Variants in SWT1 observed in about 807,000 individuals in gnomAD.
SWT1 encodes the protein SWT1 RNA endoribonuclease homolog.
In SWT1, 33 loss-of-function variants were observed where a neutral mutation model predicts 107.3. The observed-to-expected ratio is 0.31, with a 90% confidence interval of 0.23 to 0.41. SWT1 has a LOEUF of 0.41. Ranked by LOEUF, SWT1 falls within the 10% of genes least tolerant of loss-of-function variation. The pLI is 1.00. For missense variants in SWT1, 898 were observed against 1,028.9 expected (o/e 0.87, Z 1.74); for synonymous variants, 345 against 348.3 (o/e 0.99, Z 0.11).
chr1:185,192,756 T>A (rs1571463179), intron 10 of SWT1, among the ~76,000 whole-genome samples: 1 of 151,662 alleles, frequency 6.6e-6, no homozygotes, highest in East Asian at 2.0e-4. Flanking sequence ...CAAGCGATTC[T>A]CCTGTCTCAG....
intron 16 of SWT1, among the ~76,000 whole-genome samples, chr1:185,249,887 T>C (rs1056664438): frequency 4.6e-5 from 7 of 152,220 alleles, no homozygotes; most frequent in Non-Finnish European, 8.8e-5. Flanking sequence ...CTCCTCAAGC[T>C]GTGTCCTTCC....
Position 185,221,753 on chromosome 1 carries a change from A to G in SWT1, c.2122-96A>G, listed in dbSNP as rs1659672553. ...AGAAAAAGAATTGCCACCACTTCTC[A>G]GAAAGCTAGAACATTTGTAAGCACA... is the stretch of plus-strand genomic sequence containing the variant. On this transcript the variant is annotated intron_variant, in intron 14 of 18. Coordinates refer to ENST00000367500, the MANE Select transcript of SWT1 (RefSeq NM_017673.7). 3.8e-6 allele frequency: 3 copies of G among 796,284 alleles called. No homozygotes were observed. The Admixed American group carries it at 8.6e-5, about 23-fold the overall frequency. The allele number at this position is 796,284 out of a possible 1,614,324, so 49.3% of individuals were successfully genotyped here. A position where few individuals can be genotyped will look rare whatever the true frequency, so the allele number is the denominator to read the frequency against.
chr1:185,222,262 G>C (rs967749376), intron 15 of SWT1, among the ~76,000 whole-genome samples: 2 of 151,858 alleles, frequency 1.3e-5, no homozygotes, highest in African/African-American at 4.8e-5. Context: ...GTTTATCCAC[G>C]TTGTCACAAG....
chr1:185,176,064 C>T (rs1388902128), intron 5 of SWT1, among the ~76,000 whole-genome samples: 2 of 151,960 alleles, frequency 1.3e-5, no homozygotes, highest in Non-Finnish European at 2.9e-5. Flanking sequence ...CCCAGGCAGG[C>T]AGATTGTCTG....
Position 185,231,648 on chromosome 1 carries a change from C to T in SWT1, c.2381C>T (p.Ala794Val). The part of the protein sequence containing the change: ...TTSNIASFEE[A>V]FICLQKLMAA... ...TCAAATATAGCATCATTTGAAGAAGCATTTATATGTCTTCAAAAGTTAATG... is the reference window on the plus strand; with the variant it reads ...TCAAATATAGCATCATTTGAAGAAGTATTTATATGTCTTCAAAAGTTAATG... Residue 794 changes from alanine to valine, a missense_variant, in exon 16 of 19, where the codon GCA (alanine) becomes GTA (valine). Physicochemically the swap from Ala to Val is moderately conservative, Grantham distance 64. Coordinates refer to ENST00000367500, the MANE Select transcript of SWT1 (RefSeq NM_017673.7). 1 of 1,604,094 alleles carries T rather than the reference C, an allele frequency of 6.2e-7. No individual in the cohort carries two copies. The highest frequency in any genetic ancestry group is 8.5e-7 in the Non-Finnish European group (1 of 1,171,442).
intron 2 of SWT1, among the ~76,000 whole-genome samples, chr1:185,164,225 A>G (rs902354571): frequency 9.9e-5 from 15 of 151,704 alleles, no homozygotes; most frequent in African/African-American, 3.2e-4. Flanking sequence ...TAAGATATTC[A>G]GTAAATCATG....
intron 16 of SWT1, among the ~76,000 whole-genome samples, chr1:185,234,755 G>A (rs1262047951): frequency 6.6e-6 from 1 of 152,098 alleles, no homozygotes; most frequent in Non-Finnish European, 1.5e-5. Context: ...GGCTGGTACC[G>A]GTTGTTCCTT....
intron 1 of SWT1, among the ~76,000 whole-genome samples, chr1:185,158,046 C>G (rs1051017387): frequency 6.6e-6 from 1 of 152,152 alleles, no homozygotes; most frequent in Non-Finnish European, 1.5e-5. Flanking sequence ...TTCTAGGCAT[C>G]AGGGCAGGAG....
chr1:185,248,566 C>G (rs1179577947), intron 16 of SWT1, among the ~76,000 whole-genome samples: 1 of 152,112 alleles, frequency 6.6e-6, no homozygotes, highest in Non-Finnish European at 1.5e-5. Flanking sequence ...TTATGAATTT[C>G]TACACTCCCC....
chr1:185,270,426 G>A (rs1421694265), intron 16 of SWT1, among the ~76,000 whole-genome samples: 1 of 152,092 alleles, frequency 6.6e-6, no homozygotes, highest in African/African-American at 2.4e-5. Flanking sequence ...TTATGGCCGG[G>A]TGCTGTGGCT....
intron 1 of SWT1, among the ~76,000 whole-genome samples, chr1:185,160,395 T>C (rs1654035507): frequency 6.6e-6 from 1 of 152,118 alleles, no homozygotes; most frequent in Non-Finnish European, 1.5e-5. Flanking sequence ...AATCTTGTCA[T>C]ATTGGGAATG....
Position 185,184,783 on chromosome 1 carries a change from G to A in SWT1, c.1281G>A (p.Met427Ile), listed in dbSNP as rs1189644507. The A allele has an allele frequency of 1.9e-6, 3 of 1,610,484 alleles. No individual in the cohort carries two copies. The South Asian group carries it at 3.3e-5, about 18-fold the overall frequency. Residue 427 changes from methionine (M) to isoleucine (I), a missense_variant, in exon 9 of 19, where the codon ATG becomes ATA. Physicochemically the swap from Met to Ile is conservative, Grantham distance 10 (BLOSUM62 1). This residue lies in a region of SWT1 where 5 missense variants were observed against 25.3 expected (regional missense o/e 0.20). Transcript: ENST00000367500. ...TGTTAATAATTCCCTGGGTCGTTAT[G>A]CAAGAGCTAGATCGTATGAAGGAAG... The part of the protein sequence containing the change: ...KLVLIIPWVV[M>I]QELDRMKEGK...
chr1:185,228,030 G>A (rs1660207809), intron 15 of SWT1, among the ~76,000 whole-genome samples: 1 of 151,822 alleles, frequency 6.6e-6, no homozygotes, highest in South Asian at 2.1e-4. Context: ...GGTAGAAGCT[G>A]CAGTGAGCTG....
intron 14 of SWT1, among the ~76,000 whole-genome samples, chr1:185,221,503 G>A (rs955562262): frequency 2.6e-5 from 4 of 151,906 alleles, no homozygotes; most frequent in African/African-American, 9.7e-5. Context: ...ATTGTAAGGT[G>A]CTTCAAGGCT....
At chr1:185,197,573 A>G (rs1340837503) in intron 10 of SWT1, among the ~76,000 whole-genome samples, 1 of 152,156 alleles carries the variant, frequency 6.6e-6, no homozygotes, top group Non-Finnish European at 1.5e-5. Flanking sequence ...TTTGGCTGTG[A>G]ATCCGTCTGG....
At chr1:185,165,589 T>C (rs1273697113) in intron 2 of SWT1, among the ~76,000 whole-genome samples, 1 of 152,250 alleles carries the variant, frequency 6.6e-6, no homozygotes, top group Non-Finnish European at 1.5e-5. Flanking sequence ...CACTAGCTAA[T>C]GTGGTCCTAT....
chr1:185,217,468 T>C (rs986463988), intron 14 of SWT1, among the ~76,000 whole-genome samples: 3 of 152,196 alleles, frequency 2.0e-5, no homozygotes, highest in African/African-American at 4.8e-5. Context: ...ATGTTCCTTA[T>C]GAGAATCTAA....
At chr1:185,171,928 T>A (rs1655106843) in intron 4 of SWT1, among the ~76,000 whole-genome samples, 2 of 152,162 alleles carry the variant, frequency 1.3e-5, no homozygotes, top group Non-Finnish European at 2.9e-5. Flanking sequence ...AAGACATACC[T>A]ACATTCATGC....
intron 1 of SWT1, among the ~76,000 whole-genome samples, chr1:185,159,675 C>T (rs1653969355): frequency 6.6e-6 from 1 of 152,000 alleles, no homozygotes; most frequent in Non-Finnish European, 1.5e-5. Context: ...TGTGTACCAA[C>T]CTATGCAAGA....
Sources: gnomAD v4.1 joint callset for allele counts (sites outside exome capture counted in the v4.1 genomes callset) on GRCh38, gnomAD v4.1.1 for gene constraint, gnomAD v4.1.1 regional missense constraint, MANE v1.5 for transcripts, NCBI Gene and HGNC (gene_info 2026-07-23, HGNC 2026-07-21) for gene names.